Variants in PLPP4 observed in about 807,000 individuals in gnomAD.
PLPP4 encodes the protein diacylglycerol pyrophosphate like 2.
Under a neutral mutation model 32.2 loss-of-function variants are expected in PLPP4, and 20 were observed. That is an observed-to-expected ratio of 0.62 (90% CI 0.44 to 0.90). The LOEUF (loss-of-function observed/expected upper bound fraction) is 0.90. Among genes scored for constraint, PLPP4 ranks in the 40% least tolerant of loss-of-function variants. The pLI is 0.00. For synonymous variants in PLPP4, 127 were observed against 133.0 expected (o/e 0.95, Z 0.31); for missense variants, 257 against 353.1 (o/e 0.73, Z 2.18).
intron 2 of PLPP4, among the ~76,000 whole-genome samples, chr10:120,511,480 A>G (rs1845726708): frequency 6.6e-6 from 1 of 152,186 alleles, no homozygotes; most frequent in Non-Finnish European, 1.5e-5. Context: ...CTTCAAAACC[A>G]TGTTGTTCTC....
At chr10:120,464,850 A>T (rs146829169) in intron 1 of PLPP4, among the ~76,000 whole-genome samples, 1 of 152,156 alleles carries the variant, frequency 6.6e-6, no homozygotes, top group Admixed American at 6.5e-5. Flanking sequence ...ATGCTGTGCA[A>T]TGGGGCCCGA....
chr10:120,503,502 C>T, intron 1 of PLPP4: 1 of 1,563,036 alleles, frequency 6.4e-7, no homozygotes, highest in African/African-American at 1.3e-5. Context: ...TGGCCTTGCC[C>T]TATTCTGACT....
rs922211479 is a variant in PLPP4, at chr10:120,531,887, CACACACACAT to C, written c.445+10794_445+10803del. 1.1e-3 allele frequency among the ~76,000 whole-genome samples: 160 copies of C among 149,854 alleles called. 1 individual carries two copies. In the South Asian group the frequency reaches 0.027, roughly 26 times the overall value. Reference sequence around the variant, plus strand: ...ACTACACACACTACACACACACACACACACACACATATATATATATATACACACATACATA... The same window carrying C: ...ACTACACACACTACACACACACACACATATATATATATACACACATACATA... On this transcript the variant is annotated intron_variant, in intron 5 of 6. Coordinates refer to ENST00000398250, the MANE Select transcript of PLPP4 (RefSeq NM_001030059.3).
chr10:120,498,925 C>T (rs1199002059), intron 1 of PLPP4, among the ~76,000 whole-genome samples: 5 of 152,024 alleles, frequency 3.3e-5, no homozygotes, highest in Non-Finnish European at 1.5e-5. Context: ...CTCCCAAAAT[C>T]ACTTCTATTC....
rs542277986 is a variant in PLPP4, at chr10:120,494,090, T to C, written c.57-9728T>C. Among the ~76,000 whole-genome samples, 10 of 152,274 alleles carry C rather than the reference T, an allele frequency of 6.6e-5. No homozygotes were observed. In the East Asian group the frequency reaches 1.9e-3, roughly 29 times the overall value. ...ATGTTGTTTGGCTACAGGACCTTATTTGTGAAAGCAGAGTAGGGAGGGGAA... is the reference window on the plus strand; with the variant it reads ...ATGTTGTTTGGCTACAGGACCTTATCTGTGAAAGCAGAGTAGGGAGGGGAA... On this transcript the variant is annotated intron_variant, in intron 1 of 6. Transcript: ENST00000398250.
chr10:120,513,590 G>A (rs1346035827), intron 2 of PLPP4, among the ~76,000 whole-genome samples: 1 of 152,164 alleles, frequency 6.6e-6, no homozygotes, highest in Non-Finnish European at 1.5e-5. Flanking sequence ...ACAGAGGAGA[G>A]CATGAGGGGA....
intron 1 of PLPP4, among the ~76,000 whole-genome samples, chr10:120,487,152 C>T (rs907455089): frequency 6.6e-6 from 1 of 152,232 alleles, no homozygotes; most frequent in Non-Finnish European, 1.5e-5. Context: ...CCAATTAAGA[C>T]CTTACAATCA....
chr10:120,538,085 T>TGTGTGTGTGTG (rs71019774), intron 5 of PLPP4, among the ~76,000 whole-genome samples: 31 of 127,718 alleles, frequency 2.4e-4, no homozygotes, highest in East Asian at 4.5e-4. Flanking sequence ...TGTGTGTGTG[T>TGTGTGTGTGTG]TTTCAGATTC....
At chr10:120,575,365 T>C in intron 6 of PLPP4, 64 bp downstream of exon 6, 1 of 1,523,682 alleles carries the variant, frequency 6.6e-7, no homozygotes, top group Non-Finnish European at 9.0e-7. Context: ...CAGGGATGGG[T>C]GTAGAAATGC....
chr10:120,478,882 G>A (rs989478073), intron 1 of PLPP4, among the ~76,000 whole-genome samples: 1 of 152,186 alleles, frequency 6.6e-6, no homozygotes, highest in Admixed American at 6.5e-5. Flanking sequence ...ATTCATTGCT[G>A]TGCATACCTC....
At chr10:120,460,577 G>T (rs1197249914) in intron 1 of PLPP4, among the ~76,000 whole-genome samples, 1 of 152,106 alleles carries the variant, frequency 6.6e-6, no homozygotes, top group African/African-American at 2.4e-5. Context: ...GATGAAGGGG[G>T]TATATTGATA....
Position 120,588,386 on chromosome 10 carries a change from C to G in PLPP4, c.617-917C>G, listed in dbSNP as rs530473979. On this transcript the variant is annotated intron_variant, in intron 6 of 6. Transcript: ENST00000398250. ...GCCTCACCTGCTCCCCTCTTGCCTCCCAGCTGGTAAGATCTGTATCTGTTA... is the reference window on the plus strand; with the variant it reads ...GCCTCACCTGCTCCCCTCTTGCCTCGCAGCTGGTAAGATCTGTATCTGTTA... Among the ~76,000 whole-genome samples the G allele has an allele frequency of 1.4e-3, 219 of 152,358 alleles. 1 individual carries two copies. The highest frequency in any genetic ancestry group is 0.01 in the Middle Eastern group (3 of 294).
intron 5 of PLPP4, among the ~76,000 whole-genome samples, chr10:120,537,949 G>C (rs1304898266): frequency 7.1e-6 from 1 of 140,974 alleles, no homozygotes; most frequent in African/African-American, 2.7e-5. Context: ...CCAGGGCCCT[G>C]CCACAGAAAC....
chr10:120,492,063 A>G (rs996680138), intron 1 of PLPP4, among the ~76,000 whole-genome samples: 4 of 152,144 alleles, frequency 2.6e-5, no homozygotes, highest in Non-Finnish European at 5.9e-5. Flanking sequence ...CTCTTGTGAG[A>G]TCTTGACAAT....
intron 1 of PLPP4, among the ~76,000 whole-genome samples, chr10:120,494,594 G>A (rs985498610): frequency 1.3e-5 from 2 of 152,224 alleles, no homozygotes; most frequent in Non-Finnish European, 2.9e-5. Flanking sequence ...CCAAGAGGGG[G>A]TGGTAATTCC....
At chr10:120,492,673 G>A (rs1431628551) in intron 1 of PLPP4, among the ~76,000 whole-genome samples, 1 of 152,168 alleles carries the variant, frequency 6.6e-6, no homozygotes. Flanking sequence ...GGATGCAGGG[G>A]TTTCAACTCC....
intron 5 of PLPP4, among the ~76,000 whole-genome samples, chr10:120,547,545 GC>G (rs1847685637): frequency 6.6e-6 from 1 of 152,296 alleles, no homozygotes; most frequent in East Asian, 1.9e-4. Context: ...TCAAAGTGTT[GC>G]TTTCCGTTGT....
Position 120,469,193 on chromosome 10 carries a change from A to G in PLPP4, c.56+11832A>G, listed in dbSNP as rs1270797285. On this transcript the variant is annotated intron_variant, in intron 1 of 6. Coordinates refer to ENST00000398250, the MANE Select transcript of PLPP4 (RefSeq NM_001030059.3). ...ATTTTATGATGTAATAGTTAAGGAA[A>G]AGCACTATACAAAAATATACCTCGG... Among the ~76,000 whole-genome samples the G allele has an allele frequency of 3.2e-5, 2 of 61,766 alleles. 1 individual carries two copies. The highest frequency in any genetic ancestry group is 6.9e-5 in the African/African-American group (2 of 29,106). 40.5% of individuals were successfully genotyped at this position (61,766 alleles called of 152,430 possible).
intron 1 of PLPP4, among the ~76,000 whole-genome samples, chr10:120,498,121 TTTATC>T (rs1845058222): frequency 6.6e-6 from 1 of 152,202 alleles, no homozygotes; most frequent in South Asian, 2.1e-4. Flanking sequence ...CCAACAACAA[TTTATC>T]TGACTTTGGG....
Sources: gnomAD v4.1 joint callset for allele counts (sites outside exome capture counted in the v4.1 genomes callset) on GRCh38, gnomAD v4.1.1 for gene constraint, MANE v1.5 for transcripts, NCBI Gene and HGNC (gene_info 2026-07-23, HGNC 2026-07-21) for gene names.